The following SENP2 variants were observed in gnomAD, a reference collection of about 807,000 sequenced individuals.
SENP2 encodes the protein SUMO specific peptidase 2, also known as sentrin-specific protease 2.
A neutral mutation model predicts 86.3 loss-of-function variants in SENP2; 16 were observed. That is an observed-to-expected ratio of 0.19 (90% CI 0.13 to 0.28). The LOEUF is 0.28. Ranked by LOEUF, SENP2 falls within the 10% of genes least tolerant of loss-of-function variation. SENP2 has a pLI of 1.00. For synonymous variants in SENP2, 222 were observed against 238.7 expected (o/e 0.93, Z 0.64); for missense variants, 552 against 703.0 (o/e 0.79, Z 2.43).
rs147873542 is a variant in SENP2, at chr3:185,626,499, G to A, written c.1707+106G>A. On this transcript the variant is annotated intron_variant, in intron 16 of 16. Transcript: ENST00000296257. ...TCTCAATAGTAGTAGCTGGCCAGGCGTGGTGGCTCACACCTGTAATCCCAG... is the reference window on the plus strand; with the variant it reads ...TCTCAATAGTAGTAGCTGGCCAGGCATGGTGGCTCACACCTGTAATCCCAG... The A allele has an allele frequency of 1.5e-3, 1,066 of 733,712 alleles. 13 individuals carry two copies. In the African/African-American group the frequency reaches 0.017, roughly 11 times the overall value. The allele number at this position is 733,712 out of a possible 1,614,324, so 45.5% of individuals were successfully genotyped here. A position where few individuals can be genotyped will look rare whatever the true frequency, so the allele number is the denominator to read the frequency against.
chr3:185,596,104 T>C (rs1722164405), intron 2 of SENP2, among the ~76,000 whole-genome samples: 1 of 152,092 alleles, frequency 6.6e-6, no homozygotes, highest in South Asian at 2.1e-4. Flanking sequence ...TAGCTGGGAT[T>C]ATAGGTGTGT....
In SENP2 at chr3:185,605,994, G is replaced by T. The variant is rs568319082; in HGVS notation, c.450-336G>T. Among the ~76,000 whole-genome samples the T allele has an allele frequency of 2.8e-4, 42 of 152,284 alleles. No individual in the cohort carries two copies. The South Asian group carries it at 8.1e-3, about 29-fold the overall frequency. On this transcript the variant is annotated intron_variant, in intron 5 of 16. Transcript: ENST00000296257. Reference sequence around the variant, plus strand: ...ATAATCATACCAGTAATGAATTTCAGTGGTTCCAGGTGACTAAAGGAAAAA... The same window carrying T: ...ATAATCATACCAGTAATGAATTTCATTGGTTCCAGGTGACTAAAGGAAAAA...
At chr3:185,616,959 T>C (rs1390426376) in intron 11 of SENP2, among the ~76,000 whole-genome samples, 1 of 152,164 alleles carries the variant, frequency 6.6e-6, no homozygotes, top group Non-Finnish European at 1.5e-5. Context: ...GATAATAATG[T>C]CTTCCTCACT....
chr3:185,591,395 A>G (rs1327541282), intron 2 of SENP2, among the ~76,000 whole-genome samples: 2 of 152,242 alleles, frequency 1.3e-5, no homozygotes, highest in Admixed American at 1.3e-4. Context: ...TCTGTCACCC[A>G]GGCTGGAGTG....
At chr3:185,598,308 TA>T in intron 2 of SENP2, 103 bp from the exon 3 acceptor site, 1 of 1,263,192 alleles carries the variant, frequency 7.9e-7, no homozygotes, top group South Asian at 1.3e-5. Context: ...ACCCAGCAAA[TA>T]GAACTTTTGA....
intron 7 of SENP2, among the ~76,000 whole-genome samples, chr3:185,610,154 C>CTTTT (rs557832407): frequency 1.3e-4 from 15 of 115,076 alleles, no homozygotes; most frequent in Non-Finnish European, 1.9e-4. Flanking sequence ...TATTATCTAG[C>CTTTT]TTTTTTTTTT....
At chr3:185,589,839 AT>A (rs1182778918) in intron 1 of SENP2, among the ~76,000 whole-genome samples, 2 of 151,476 alleles carry the variant, frequency 1.3e-5, no homozygotes, top group Non-Finnish European at 3.0e-5. Flanking sequence ...TTTTTTATTT[AT>A]TTTTTTATCG....
chr3:185,592,629 T>G (rs1201938085), intron 2 of SENP2, among the ~76,000 whole-genome samples: 1 of 151,988 alleles, frequency 6.6e-6, no homozygotes, highest in Non-Finnish European at 1.5e-5. Context: ...CTTTTTTTTT[T>G]TTTTTGAGAT....
intron 7 of SENP2, 94 bp from the exon 8 acceptor site, chr3:185,611,557 C>T (rs1722685446): frequency 2.8e-6 from 2 of 708,810 alleles, no homozygotes; most frequent in South Asian, 1.7e-5. Context: ...AATCAATCAC[C>T]CCTATTTGGA....
At position 185,589,696 on chromosome 3, in the gene SENP2, G is replaced by A. The variant is rs141200060; in HGVS notation, c.102-418G>A. On this transcript the variant is annotated intron_variant, in intron 1 of 16. Coordinates refer to ENST00000296257, the MANE Select transcript of SENP2 (RefSeq NM_021627.3). ...TAGTTTTATTTCTTTTTAAAACAAG[G>A]TCTCACTCTTTTGATTAGGCTGGAG... 1.6e-4 allele frequency among the ~76,000 whole-genome samples: 24 copies of A among 152,210 alleles called. No homozygotes were observed. The East Asian group carries it at 4.4e-3, about 28-fold the overall frequency.
At chr3:185,609,397 G>C (rs1379642107) in intron 7 of SENP2, 47 bp downstream of exon 7, 2 of 1,387,510 alleles carry the variant, frequency 1.4e-6, no homozygotes, top group African/African-American at 2.9e-5. Context: ...TCTTTTGTTT[G>C]TTTGTTTTTG....
intron 13 of SENP2, among the ~76,000 whole-genome samples, chr3:185,620,439 TTTTG>T (rs1477786784): frequency 1.3e-5 from 2 of 151,898 alleles, no homozygotes; most frequent in Non-Finnish European, 2.9e-5. Flanking sequence ...AGGAGCTTTT[TTTTG>T]TTTGTTTGTA....
In SENP2 at chr3:185,615,036, T is replaced by C. The variant is rs550903988; in HGVS notation, c.1110+296T>C. ...TCTAACCTTCAAATATGTTGAGTTATATAGTATGGGTTTGGCATTAAGAAT... is the reference window on the plus strand; with the variant it reads ...TCTAACCTTCAAATATGTTGAGTTACATAGTATGGGTTTGGCATTAAGAAT... On this transcript the variant is annotated intron_variant, in intron 11 of 16. Coordinates refer to ENST00000296257, the MANE Select transcript of SENP2 (RefSeq NM_021627.3). Among the ~76,000 whole-genome samples, 14 of 152,354 alleles carry C rather than the reference T, an allele frequency of 9.2e-5. No homozygotes were observed. The South Asian group carries it at 2.9e-3, about 32-fold the overall frequency.
chr3:185,624,633 TG>T (rs1712056736), intron 15 of SENP2, among the ~76,000 whole-genome samples: 1 of 152,070 alleles, frequency 6.6e-6, no homozygotes, highest in Admixed American at 6.6e-5. Context: ...CCCAGCACTT[TG>T]GGAGGCCGAG....
chr3:185,601,513 C>T (rs568982101), intron 5 of SENP2, among the ~76,000 whole-genome samples: 89 of 152,204 alleles, frequency 5.8e-4, no homozygotes, highest in African/African-American at 2.1e-3. Flanking sequence ...TGGTCATATC[C>T]ATCAGTTGTA....
In SENP2 at chr3:185,586,404, T is replaced by C; in HGVS notation, c.-10T>C. ...GGGTGTGTCGGCCGCCGCTGCTGCT[T>C]GGGCCTGGTATGTACAGATGGCTGG... is the stretch of plus-strand genomic sequence containing the variant. On this transcript the variant is annotated 5_prime_UTR_variant, in exon 1 of 17. Coordinates refer to ENST00000296257, the MANE Select transcript of SENP2 (RefSeq NM_021627.3). This position sits in a 1 kb window ranked among gnomAD's most constrained non-coding sequence, Gnocchi z 4.3. The C allele has an allele frequency of 6.2e-7, 1 of 1,613,810 alleles. No individual in the cohort carries two copies. Among genetic ancestry groups the C allele is most frequent in the South Asian group, 1.1e-5 (1 of 91,074 alleles).
In SENP2 at chr3:185,606,369, T is replaced by G. The variant is rs1367350959; in HGVS notation, c.489T>G (p.Gly163=). The G allele has an allele frequency of 3.1e-6, 5 of 1,612,400 alleles. No homozygotes were observed. The highest frequency in any genetic ancestry group is 4.2e-6 in the Non-Finnish European group (5 of 1,179,628). Residue 163 remains glycine (G), a synonymous_variant, in exon 6 of 17, where the codon GGT becomes GGG. Transcript: ENST00000296257. ...CAGAAGGCTGTAATAGAAGACCAGG[T>G]GGCCGTCGCCATAGCAAAGGTAATC... is the stretch of plus-strand genomic sequence containing the variant. ...LNSEGCNRRP[G]GRRHSKGNPE...
At chr3:185,598,245 A>G (rs1037019375) in intron 2 of SENP2, 167 bp from the exon 3 acceptor site, 24 of 682,740 alleles carry the variant, frequency 3.5e-5, no homozygotes, top group African/African-American at 5.4e-5. Flanking sequence ...GGCTCAAGCA[A>G]TCCTCCCACC....
chr3:185,589,824 G>GC (rs1721917579), intron 1 of SENP2, among the ~76,000 whole-genome samples: 1 of 152,038 alleles, frequency 6.6e-6, no homozygotes, highest in African/African-American at 2.4e-5. Context: ...ACCAAGGCTG[G>GC]CTAATTTTTT....
Sources: allele counts gnomAD v4.1 joint callset (sites outside exome capture counted in the v4.1 genomes callset), GRCh38; gene constraint gnomAD v4.1.1; non-coding constraint Gnocchi (gnomAD v3.1); transcripts MANE v1.5; gene names NCBI Gene and HGNC (gene_info 2026-07-23, HGNC 2026-07-21).